Variants in TRPM3 observed in about 807,000 individuals in gnomAD.
The protein encoded by TRPM3 is long transient receptor potential channel 3.
A neutral mutation model predicts 181.2 loss-of-function variants in TRPM3; 77 were observed. The ratio of observed to expected loss-of-function variants is 0.42; its 90% CI spans 0.35 to 0.51. TRPM3 has a LOEUF of 0.51. TRPM3 is among the 20% of genes least tolerant of loss of function. The pLI, the probability that TRPM3 is intolerant of heterozygous loss-of-function variation, is 0.01. For missense variants in TRPM3, 1,759 were observed against 2,196.7 expected, an observed-to-expected ratio of 0.80 and a Z score of 3.98; for synonymous variants, 745 against 796.4, an observed-to-expected ratio of 0.94 and a Z score of 1.09.
intron 1 of TRPM3, among the ~76,000 whole-genome samples, chr9:71,080,835 T>C (rs956927022): frequency 6.6e-6 from 1 of 152,210 alleles, no homozygotes; most frequent in Non-Finnish European, 1.5e-5. Context: ...CCTGAATTTT[T>C]GTTTTGCATC....
At chr9:70,571,438 G>C (rs1168263000) in intron 22 of TRPM3, among the ~76,000 whole-genome samples, 1 of 152,128 alleles carries the variant, frequency 6.6e-6, no homozygotes, top group Non-Finnish European at 1.5e-5. Flanking sequence ...GTACCTTGGA[G>C]GCTCAGAGTC....
At chr9:70,939,439 G>A (rs1036787931) in intron 1 of TRPM3, among the ~76,000 whole-genome samples, 25 of 152,180 alleles carry the variant, frequency 1.6e-4, no homozygotes, top group Non-Finnish European at 2.6e-4. Flanking sequence ...TCGGCAGTAC[G>A]GCGAATATTA....
At chr9:70,894,935 C>T (rs910029540) in intron 1 of TRPM3, among the ~76,000 whole-genome samples, 1 of 152,068 alleles carries the variant, frequency 6.6e-6, no homozygotes, top group African/African-American at 2.4e-5. Flanking sequence ...AAAGTTTTGC[C>T]GTCAGACAAC....
Position 71,094,428 on chromosome 9 carries a change from T to C in TRPM3, c.177+26750A>G, listed in dbSNP as rs147836473. Among the ~76,000 whole-genome samples, 238 of 152,290 alleles carry C rather than the reference T, an allele frequency of 1.6e-3. 9 individuals carry two copies. The East Asian group carries it at 0.044, about 28-fold the overall frequency. ...TTTAGAATTGAAAATTTGAATCGTC[T>C]TCTAGTCCTGCATATCCTCATTTTA... On this transcript the variant is annotated intron_variant, in intron 1 of 25. Coordinates refer to ENST00000677713, the MANE Select transcript of TRPM3 (RefSeq NM_001366145.2).
chr9:70,634,338 C>G (rs1436925359), intron 12 of TRPM3, among the ~76,000 whole-genome samples: 4 of 152,136 alleles, frequency 2.6e-5, no homozygotes, highest in African/African-American at 9.7e-5. Context: ...TGGCCTTGAA[C>G]TCGACCTTAG....
intron 1 of TRPM3, among the ~76,000 whole-genome samples, chr9:71,273,100 T>C (rs983809593): frequency 3.3e-5 from 5 of 152,138 alleles, no homozygotes; most frequent in Non-Finnish European, 7.4e-5. Context: ...GGTCTCTAAC[T>C]CCTGACTTCA....
intron 1 of TRPM3, among the ~76,000 whole-genome samples, chr9:71,017,165 G>C (rs1410234356): frequency 1.3e-5 from 2 of 152,018 alleles, no homozygotes; most frequent in Non-Finnish European, 2.9e-5. Flanking sequence ...ATGTTCCCAA[G>C]AAGACATGTA....
At chr9:71,420,782 AGAGAAAGAG>A in intron 1 of TRPM3, among the ~76,000 whole-genome samples, 1 of 105,144 alleles carries the variant, frequency 9.5e-6, no homozygotes, top group Non-Finnish European at 2.1e-5. Flanking sequence ...AGAGAAAGAG[AGAGAAAGAG>A]AGAGAAAGAA....
At chr9:71,094,974 T>TA (rs2066886389) in intron 1 of TRPM3, among the ~76,000 whole-genome samples, 1 of 152,264 alleles carries the variant, frequency 6.6e-6, no homozygotes, top group Admixed American at 6.5e-5. Context: ...AAAGCACGCA[T>TA]AGCTCTAGAA....
At chr9:71,266,692 A>G (rs2083416867) in intron 1 of TRPM3, among the ~76,000 whole-genome samples, 1 of 152,186 alleles carries the variant, frequency 6.6e-6, no homozygotes, top group Admixed American at 6.5e-5. Flanking sequence ...TGTAGGCACA[A>G]TGGTGTACAG....
At chr9:71,416,551 AATT>A (rs1166317306) in intron 1 of TRPM3, among the ~76,000 whole-genome samples, 8 of 151,904 alleles carry the variant, frequency 5.3e-5, no homozygotes, top group African/African-American at 9.7e-5. Flanking sequence ...GATGAAAAGG[AATT>A]ATGTTTAAAA....
chr9:71,082,747 A>C (rs997839664), intron 1 of TRPM3, among the ~76,000 whole-genome samples: 3 of 152,194 alleles, frequency 2.0e-5, no homozygotes, highest in Non-Finnish European at 4.4e-5. Flanking sequence ...CAGGAAAAAC[A>C]AATCAAATGG....
intron 1 of TRPM3, among the ~76,000 whole-genome samples, chr9:71,323,711 T>C (rs2089441793): frequency 6.6e-6 from 1 of 151,964 alleles, no homozygotes; most frequent in Non-Finnish European, 1.5e-5. Flanking sequence ...CAAAGTCATA[T>C]CCAATATGGG....
rs563879557 is a variant in TRPM3 at position 70,966,348 on chromosome 9, A to G, written c.178-101837T>C. ...AAAGCAGTGTGGCAATTCCTCAAAG[A>G]CTTAGAAACAGAATTACCATTTGAC... On this transcript the variant is annotated intron_variant, in intron 1 of 25. Transcript: ENST00000677713. Among the ~76,000 whole-genome samples the G allele has an allele frequency of 2.0e-5, 3 of 152,218 alleles. No individual in the cohort carries two copies. The South Asian group carries it at 6.2e-4, about 32-fold the overall frequency.
chr9:70,852,248 C>T (rs763830185), intron 3 of TRPM3, among the ~76,000 whole-genome samples: 49 of 151,676 alleles, frequency 3.2e-4, no homozygotes, highest in Non-Finnish European at 1.3e-4. Context: ...ATGCATGCTG[C>T]GTGTTCTACT....
At chr9:70,996,664 T>C (rs2097543912) in intron 1 of TRPM3, among the ~76,000 whole-genome samples, 1 of 152,268 alleles carries the variant, frequency 6.6e-6, no homozygotes, top group African/African-American at 2.4e-5. Context: ...TCTATTGTAC[T>C]GAATGCTCTC....
intron 6 of TRPM3, among the ~76,000 whole-genome samples, chr9:70,823,133 C>T (rs867125701): frequency 1.3e-4 from 20 of 152,222 alleles, no homozygotes; most frequent in African/African-American, 3.4e-4. Context: ...GTGCTCCCCC[C>T]GACCCCACGC....
chr9:71,001,720 G>A (rs538602334), intron 1 of TRPM3, among the ~76,000 whole-genome samples: 1 of 152,342 alleles, frequency 6.6e-6, no homozygotes, highest in South Asian at 2.1e-4. Context: ...ACATGGTACT[G>A]TTGATACACC....
chr9:70,540,811 C>T (rs963043972), intron 25 of TRPM3, among the ~76,000 whole-genome samples: 1 of 152,204 alleles, frequency 6.6e-6, no homozygotes, highest in African/African-American at 2.4e-5. Context: ...TAGTCTTGAC[C>T]TCCCGGGGCT....
Sources: allele counts gnomAD v4.1 joint callset (sites outside exome capture counted in the v4.1 genomes callset), GRCh38; gene constraint gnomAD v4.1.1; transcripts MANE v1.5; gene names NCBI Gene and HGNC (gene_info 2026-07-23, HGNC 2026-07-21).